Variants in CEP70 observed in about 807,000 individuals in gnomAD.
CEP70 encodes the protein centrosomal protein of 70 kDa.
A neutral mutation model predicts 90.9 loss-of-function variants in CEP70; 70 were observed. The observed-to-expected ratio is 0.77, with a 90% CI of 0.64 to 0.94. The LOEUF is 0.94. Among genes scored for constraint, CEP70 ranks in the 40% least tolerant of loss-of-function variants. The pLI is 0.00. For missense variants in CEP70, 648 were observed against 669.0 expected (o/e 0.97, Z 0.35); for synonymous variants, 220 against 228.3 (o/e 0.96, Z 0.33).
Position 138,505,340 on chromosome 3 carries a change from A to C in CEP70, c.1176T>G (p.Leu392=), listed in dbSNP as rs1371087765. 16 of 1,612,640 alleles carry C rather than the reference A, an allele frequency of 9.9e-6. No homozygotes were observed. Among genetic ancestry groups the C allele is most frequent in the Non-Finnish European group, 1.4e-5 (16 of 1,179,428 alleles). The change falls in exon 13 of 18, where the codon CTT becomes CTG. Residue 392 remains leucine (L), a synonymous_variant. Coordinates refer to ENST00000264982, the MANE Select transcript of CEP70 (RefSeq NM_024491.4). The part of the protein sequence containing the change: ...DLVQDCGFEH[L]VPVIEMWADQ... Reference sequence around the variant, plus strand: ...CTGCCCACATTTCTATTACAGGAACAAGATGCTCAAATCCACAATCTTGAA... The same window carrying C: ...CTGCCCACATTTCTATTACAGGAACCAGATGCTCAAATCCACAATCTTGAA...
intron 6 of CEP70, among the ~76,000 whole-genome samples, chr3:138,558,860 G>C (rs985873029): frequency 6.6e-6 from 1 of 152,054 alleles, no homozygotes; most frequent in Non-Finnish European, 1.5e-5. Flanking sequence ...AAAACAGCAG[G>C]CTATAAAAAG....
At chr3:138,527,780 C>T (rs964294021) in intron 10 of CEP70, among the ~76,000 whole-genome samples, 66 of 151,852 alleles carry the variant, frequency 4.3e-4, no homozygotes, top group African/African-American at 1.5e-3. Flanking sequence ...TCTCGAACTC[C>T]TGGCCTCAAA....
intron 1 of CEP70, among the ~76,000 whole-genome samples, chr3:138,592,658 A>G (rs1424918920): frequency 6.6e-6 from 1 of 151,988 alleles, no homozygotes; most frequent in East Asian, 1.9e-4. Flanking sequence ...GGCACTTTCT[A>G]GGTTTCCCGA....
intron 11 of CEP70, among the ~76,000 whole-genome samples, chr3:138,512,539 G>A (rs2035621872): frequency 6.6e-6 from 1 of 152,166 alleles, no homozygotes; most frequent in African/African-American, 2.4e-5. Context: ...GAGCAGTCAG[G>A]AAGGGCCTGA....
intron 2 of CEP70, among the ~76,000 whole-genome samples, chr3:138,583,401 G>C (rs1268525476): frequency 6.6e-6 from 1 of 152,070 alleles, no homozygotes; most frequent in East Asian, 1.9e-4. Context: ...AGATCATCCA[G>C]ACATAAAATC....
chr3:138,582,244 T>C (rs2041899428), intron 2 of CEP70, among the ~76,000 whole-genome samples: 1 of 151,600 alleles, frequency 6.6e-6, no homozygotes, highest in Non-Finnish European at 1.5e-5. Flanking sequence ...GAGGCCGAGA[T>C]GGGTGGATCA....
Position 138,537,262 on chromosome 3 carries a change from T to G in CEP70, c.551A>C (p.Lys184Thr). ...SLQMEVCRLK[K>T]EEEDRIVTQN... Reference sequence around the variant, plus strand: ...AGTGACAATGCGATCTTCTTCCTCCTTTTTTAATCTACAGACTTCCATTTG... The same window carrying G: ...AGTGACAATGCGATCTTCTTCCTCCGTTTTTAATCTACAGACTTCCATTTG... The change falls in exon 7 of 18, where the codon AAG becomes ACG. Residue 184 changes from lysine to threonine, a missense_variant. Lys to Thr is a moderately conservative substitution (Grantham distance 78). Coordinates refer to ENST00000264982, the MANE Select transcript of CEP70 (RefSeq NM_024491.4). 1 of 1,608,100 alleles carries G rather than the reference T, an allele frequency of 6.2e-7. No individual in the cohort carries two copies. Among genetic ancestry groups the G allele is most frequent in the Non-Finnish European group, 8.5e-7 (1 of 1,177,404 alleles).
At chr3:138,533,780 G>A (rs538481495) in intron 7 of CEP70, among the ~76,000 whole-genome samples, 33 of 150,534 alleles carry the variant, frequency 2.2e-4, no homozygotes, top group African/African-American at 7.6e-4. Flanking sequence ...TTTATTTTTT[G>A]TTTTTTTTTG....
At chr3:138,514,376 T>C (rs1184599127) in intron 11 of CEP70, among the ~76,000 whole-genome samples, 2 of 152,236 alleles carry the variant, frequency 1.3e-5, no homozygotes, top group Non-Finnish European at 2.9e-5. Flanking sequence ...TTTCTGTCTT[T>C]GCAATATCTC....
intron 1 of CEP70, among the ~76,000 whole-genome samples, chr3:138,592,369 A>G (rs765804437): frequency 6.6e-6 from 1 of 152,208 alleles, no homozygotes; most frequent in Non-Finnish European, 1.5e-5. Flanking sequence ...TCCTTTTCAG[A>G]GGACCATTCT....
chr3:138,508,458 A>G lies in CEP70; in HGVS notation c.1031T>C (p.Ile344Thr), dbSNP rs773565106. Residue 344 changes from isoleucine (I) to threonine (T), a missense_variant, in exon 12 of 18, where the codon ATT becomes ACT. Physicochemically the swap from Ile to Thr is moderately conservative, Grantham distance 89. Transcript: ENST00000264982. ...PSKYNQQQAL[I>T]DQRYFQVLCS... ...CAATACCTGAAAGTATCTCTGGTCAATTAGGGCCTGTTGCTGATTATATTT... is the reference window on the plus strand; with the variant it reads ...CAATACCTGAAAGTATCTCTGGTCAGTTAGGGCCTGTTGCTGATTATATTT... The G allele has an allele frequency of 1.4e-5, 23 of 1,609,012 alleles. 1 individual carries two copies. The Admixed American group carries it at 1.7e-4, about 12-fold the overall frequency.
intron 2 of CEP70, among the ~76,000 whole-genome samples, chr3:138,575,088 G>A (rs2041422019): frequency 6.6e-6 from 1 of 152,210 alleles, no homozygotes; most frequent in Non-Finnish European, 1.5e-5. Flanking sequence ...AACAAAGCTG[G>A]ATGGAGAATG....
intron 6 of CEP70, among the ~76,000 whole-genome samples, chr3:138,542,259 A>T (rs2038831061): frequency 6.6e-6 from 1 of 152,210 alleles, no homozygotes. Flanking sequence ...GATGTACTGC[A>T]AGCAGCTTCC....
At chr3:138,513,384 ATCT>A (rs1239733880) in intron 11 of CEP70, among the ~76,000 whole-genome samples, 2 of 152,182 alleles carry the variant, frequency 1.3e-5, no homozygotes, top group African/African-American at 2.4e-5. Flanking sequence ...TCTATCCAAG[ATCT>A]TCTTATTGGT....
intron 2 of CEP70, among the ~76,000 whole-genome samples, chr3:138,583,336 G>A (rs1242116208): frequency 6.6e-6 from 1 of 152,170 alleles, no homozygotes; most frequent in East Asian, 1.9e-4. Flanking sequence ...GAGCTCGAGA[G>A]ATAAATCTCA....
At chr3:138,521,997 C>T (rs1248795835) in intron 11 of CEP70, among the ~76,000 whole-genome samples, 1 of 152,196 alleles carries the variant, frequency 6.6e-6, no homozygotes, top group African/African-American at 2.4e-5. Context: ...CAACCCCTTG[C>T]TCTCTGAAAC....
chr3:138,531,338 A>C (rs2037793263), intron 8 of CEP70, among the ~76,000 whole-genome samples: 1 of 152,056 alleles, frequency 6.6e-6, no homozygotes, highest in Admixed American at 6.6e-5. Flanking sequence ...ATGTTATGTT[A>C]AATCTTTTCT....
At chr3:138,566,964 A>C (rs1225088937) in intron 6 of CEP70, among the ~76,000 whole-genome samples, 1 of 152,214 alleles carries the variant, frequency 6.6e-6, no homozygotes, top group Non-Finnish European at 1.5e-5. Context: ...CAAAAACTAG[A>C]AACTAAAATG....
At chr3:138,517,798 C>T (rs1044520366) in intron 11 of CEP70, among the ~76,000 whole-genome samples, 5 of 152,218 alleles carry the variant, frequency 3.3e-5, no homozygotes, top group Non-Finnish European at 7.3e-5. Flanking sequence ...AACTGAGGTA[C>T]GAGGTTCATC....
Sources: allele counts gnomAD v4.1 joint callset (sites outside exome capture counted in the v4.1 genomes callset), GRCh38; gene constraint gnomAD v4.1.1; transcripts MANE v1.5; gene names NCBI Gene and HGNC (gene_info 2026-07-23, HGNC 2026-07-21).